Variants in ESR1 observed in about 807,000 individuals in gnomAD.
ESR1 encodes estrogen receptor.
A neutral mutation model predicts 52.7 loss-of-function variants in ESR1; 12 were observed. The ratio of observed to expected loss-of-function variants is 0.23; its 90% CI spans 0.15 to 0.37. The LOEUF is 0.37. Ranked by LOEUF, ESR1 falls within the 10% of genes least tolerant of loss-of-function variation. The pLI is 1.00. For synonymous variants in ESR1, 305 were observed against 316.8 expected, an observed-to-expected ratio of 0.96 and a Z score of 0.39; for missense variants, 584 against 779.7, an observed-to-expected ratio of 0.75 and a Z score of 2.99.
At chr6:152,092,699 A>G (rs1245029385) in intron 6 of ESR1, among the ~76,000 whole-genome samples, 1 of 152,172 alleles carries the variant, frequency 6.6e-6, no homozygotes, top group Non-Finnish European at 1.5e-5. Context: ...AGGCGCTGTG[A>G]TTAGGCAGGA....
rs1393200812 is a variant in ESR1 at position 151,986,679 on chromosome 6, A to C, written c.1097-24977A>C. On this transcript the variant is annotated intron_variant, in intron 4 of 7. Coordinates refer to ENST00000206249, the MANE Select transcript of ESR1 (RefSeq NM_000125.4). ...AAAGTGTCAGGTCCCCTTTTCTGCC[A>C]TATTCTCTTCTGTGTCTTCATTAGT... 2.6e-5 allele frequency among the ~76,000 whole-genome samples: 4 copies of C among 152,140 alleles called. No individual in the cohort carries two copies. In the South Asian group the frequency reaches 8.3e-4, roughly 32 times the overall value.
intron 1 of ESR1, among the ~76,000 whole-genome samples, chr6:151,825,631 G>A (rs991848951): frequency 3.3e-5 from 5 of 152,128 alleles, no homozygotes; most frequent in African/African-American, 1.2e-4. Flanking sequence ...TGTGTTGTTG[G>A]CCAGGTATGG....
At chr6:152,122,460 G>A (rs777985131) in intron 6 of ESR1, 2 of 1,614,168 alleles carry the variant, frequency 1.2e-6, no homozygotes, top group East Asian at 2.2e-5. Context: ...GGCCATTCGT[G>A]TATCTGAGCA....
At chr6:152,103,467 G>A (rs749335841), downstream of ESR1, among the ~76,000 whole-genome samples, 10 of 152,100 alleles carry the variant, frequency 6.6e-5, no homozygotes, top group Non-Finnish European at 1.3e-4. Context: ...AGGCAGAACT[G>A]GCCTCAATTC....
chr6:151,807,975 C>T lies in ESR1; in HGVS notation c.63C>T (p.Asn21=), dbSNP rs759639731. The T allele has an allele frequency of 1.2e-6, 2 of 1,614,014 alleles. No homozygotes were observed. Among genetic ancestry groups the T allele is most frequent in the Non-Finnish European group, 1.7e-6 (2 of 1,179,984 alleles). Reference sequence around the variant, plus strand: ...CCCTACTGCATCAGATCCAAGGGAACGAGCTGGAGCCCCTGAACCGTCCGC... The same window carrying T: ...CCCTACTGCATCAGATCCAAGGGAATGAGCTGGAGCCCCTGAACCGTCCGC... ...GMALLHQIQG[N]ELEPLNRPQL... is the part of the protein sequence containing the mutation. Residue 21 remains asparagine (N), a synonymous_variant, in exon 1 of 8, where the codon AAC becomes AAT. Transcript: ENST00000206249.
intron 2 of ESR1, among the ~76,000 whole-genome samples, chr6:151,789,774 G>T (rs1562407327): frequency 6.6e-6 from 1 of 152,158 alleles, no homozygotes. Context: ...CCCTTTCCCA[G>T]TTCTGGCCCC....
chr6:152,087,316 A>G (rs1467422651), intron 6 of ESR1, among the ~76,000 whole-genome samples: 1 of 152,224 alleles, frequency 6.6e-6, no homozygotes, highest in Non-Finnish European at 1.5e-5. Context: ...GGAAATGGCC[A>G]CAAAAGGAGG....
intron 2 of ESR1, among the ~76,000 whole-genome samples, chr6:151,774,072 G>C (rs898705813): frequency 2.6e-5 from 4 of 152,192 alleles, no homozygotes; most frequent in Non-Finnish European, 5.9e-5. Context: ...ATTAAACAGG[G>C]CTATTGTATG....
intron 1 of ESR1, among the ~76,000 whole-genome samples, chr6:151,823,666 C>T (rs1011441874): frequency 6.6e-6 from 1 of 152,164 alleles, no homozygotes; most frequent in African/African-American, 2.4e-5. Context: ...GTTCCCCACC[C>T]TGTGTCCAAC....
intron 6 of ESR1, chr6:152,125,185 C>T (rs2813562): frequency 0.21 from 309,733 of 1,481,630 alleles, 33,522 homozygotes; most frequent in African/African-American, 0.29. Flanking sequence ...CCCTGCCCAC[C>T]GCACTCTCTG....
chr6:151,972,139 A>T (rs1016664445), intron 4 of ESR1, among the ~76,000 whole-genome samples: 5 of 152,152 alleles, frequency 3.3e-5, no homozygotes, highest in Admixed American at 3.3e-4. Flanking sequence ...AATAGCAAGC[A>T]GCGAGATTGA....
chr6:151,780,863 G>A (rs1204129735), intron 2 of ESR1, among the ~76,000 whole-genome samples: 1 of 152,190 alleles, frequency 6.6e-6, no homozygotes, highest in Admixed American at 6.5e-5. Context: ...TAATCACAGT[G>A]TTGTAGAAAT....
intron 6 of ESR1, among the ~76,000 whole-genome samples, chr6:152,110,565 T>A (rs1352483461): frequency 4.0e-5 from 6 of 151,844 alleles, no homozygotes; most frequent in Non-Finnish European, 7.4e-5. Context: ...ACAGGAAAAA[T>A]AATGAATGGG....
intron 2 of ESR1, among the ~76,000 whole-genome samples, chr6:151,854,902 G>A (rs1787529756): frequency 6.6e-6 from 1 of 152,024 alleles, no homozygotes; most frequent in African/African-American, 2.4e-5. Context: ...AAGGGATTTC[G>A]TTTTAAAATG....
intron 1 of ESR1, among the ~76,000 whole-genome samples, chr6:151,827,832 G>A (rs973918478): frequency 2.0e-5 from 3 of 152,116 alleles, no homozygotes; most frequent in Admixed American, 1.3e-4. Context: ...TCCATTTACC[G>A]AAAGACTATA....
Position 152,013,703 on chromosome 6 carries a change from T to C in ESR1, c.1235+1909T>C, listed in dbSNP as rs564530089. 2.0e-5 allele frequency among the ~76,000 whole-genome samples: 3 copies of C among 152,306 alleles called. No homozygotes were observed. The South Asian group carries it at 6.2e-4, about 32-fold the overall frequency. ...CAGCTACAGCCTTCTCTTTCCTTTC[T>C]GTACACTCCAGTGGTGGCTAATTTT... On this transcript the variant is annotated intron_variant, in intron 5 of 7. Coordinates refer to ENST00000206249, the MANE Select transcript of ESR1 (RefSeq NM_000125.4).
chr6:151,953,962 C>G (rs1487988475), intron 4 of ESR1, among the ~76,000 whole-genome samples: 1 of 152,116 alleles, frequency 6.6e-6, no homozygotes, highest in Admixed American at 6.6e-5. Context: ...CCTAAACTGA[C>G]TGTTGATTTT....
At chr6:152,114,852 C>T (rs1194139086) in intron 6 of ESR1, among the ~76,000 whole-genome samples, 1 of 132,358 alleles carries the variant, frequency 7.6e-6, no homozygotes, top group Admixed American at 8.6e-5. Context: ...GATCGCGCCA[C>T]TGCACTCCAG....
At chr6:151,707,142 T>C (rs1780246022) in intron 2 of ESR1, among the ~76,000 whole-genome samples, 2 of 152,210 alleles carry the variant, frequency 1.3e-5, no homozygotes, top group Non-Finnish European at 2.9e-5. Context: ...CAAAATGAAA[T>C]CATTATCTTT....
Sources: gnomAD v4.1 joint callset for allele counts (sites outside exome capture counted in the v4.1 genomes callset) on GRCh38, gnomAD v4.1.1 for gene constraint, MANE v1.5 for transcripts, NCBI Gene and HGNC (gene_info 2026-07-23, HGNC 2026-07-21) for gene names.